Variants in PCNX2 observed in about 807,000 individuals in gnomAD.
PCNX2 encodes pecanex 2.
In PCNX2, 168 loss-of-function variants were observed where a neutral mutation model predicts 223.8. That is an observed-to-expected ratio of 0.75 (90% confidence interval 0.66 to 0.85). The LOEUF (loss-of-function observed/expected upper bound fraction) is 0.85, where lower values mean the gene tolerates loss of function less well. Among genes scored for constraint, PCNX2 ranks in the 40% least tolerant of loss-of-function variants. PCNX2 has a pLI of 0.00. For missense variants in PCNX2, 2,507 were observed against 2,675.5 expected, an observed-to-expected ratio of 0.94 and a Z score of 1.39; for synonymous variants, 1,006 against 1,052.6, an observed-to-expected ratio of 0.96 and a Z score of 0.86.
chr1:233,021,322 T>C (rs1363067226), intron 26 of PCNX2, among the ~76,000 whole-genome samples: 5 of 152,192 alleles, frequency 3.3e-5, no homozygotes, highest in Non-Finnish European at 7.4e-5. Flanking sequence ...AACATTCTTG[T>C]TTCTGTGGGG....
chr1:233,048,871 T>C (rs1401555564), intron 25 of PCNX2, among the ~76,000 whole-genome samples: 1 of 152,202 alleles, frequency 6.6e-6, no homozygotes, highest in Non-Finnish European at 1.5e-5. Flanking sequence ...CAGAGACTAT[T>C]ATGAATATCT....
At chr1:233,081,488 T>C (rs1302417296) in intron 23 of PCNX2, among the ~76,000 whole-genome samples, 2 of 152,216 alleles carry the variant, frequency 1.3e-5, no homozygotes, top group East Asian at 1.9e-4. Context: ...CCTGTTCTTA[T>C]GCATCCCTGC....
chr1:233,284,524 T>C (rs1661346928), intron 1 of PCNX2, among the ~76,000 whole-genome samples: 1 of 152,152 alleles, frequency 6.6e-6, no homozygotes. Context: ...CCATCTCCCA[T>C]CTTTACTGTA....
At chr1:233,141,633 G>A (rs1003377564) in intron 19 of PCNX2, among the ~76,000 whole-genome samples, 5 of 152,064 alleles carry the variant, frequency 3.3e-5, no homozygotes, top group Admixed American at 6.6e-5. Context: ...AGATTGTGCC[G>A]CTGCACTCCA....
chr1:233,146,692 G>A (rs1274873829), intron 19 of PCNX2, among the ~76,000 whole-genome samples: 1 of 152,164 alleles, frequency 6.6e-6, no homozygotes, highest in Non-Finnish European at 1.5e-5. Context: ...AGAAATATAA[G>A]CCAATCTCTT....
chr1:233,229,198 C>A (rs80053222), intron 9 of PCNX2, among the ~76,000 whole-genome samples: 13 of 152,310 alleles, frequency 8.5e-5, no homozygotes, highest in African/African-American at 3.1e-4. Context: ...TTTCCAGATG[C>A]TAATCTGCTT....
intron 12 of PCNX2, among the ~76,000 whole-genome samples, chr1:233,213,932 G>A (rs1410018799): frequency 6.9e-6 from 1 of 144,758 alleles, no homozygotes; most frequent in African/African-American, 2.6e-5. Flanking sequence ...GGGTTCAAGC[G>A]ATTCTCCTGC....
chr1:233,088,976 G>A (rs1003259601), intron 23 of PCNX2, among the ~76,000 whole-genome samples: 7 of 152,198 alleles, frequency 4.6e-5, no homozygotes, highest in Admixed American at 2.0e-4. Context: ...AAGGAGGCCT[G>A]AAATTATCAG....
intron 21 of PCNX2, among the ~76,000 whole-genome samples, chr1:233,123,690 A>G (rs1263169052): frequency 6.6e-6 from 1 of 152,228 alleles, no homozygotes; most frequent in Non-Finnish European, 1.5e-5. Context: ...GCAAGTCTCT[A>G]AAGACATTGT....
chr1:233,306,451 A>G, the PCNX2 span, among the ~76,000 whole-genome samples: 1,613 of 152,348 alleles, frequency 0.011, 28 homozygotes, highest in African/African-American at 0.036. Flanking sequence ...TTTGGTTTGG[A>G]TGTCAACACT....
the PCNX2 span, among the ~76,000 whole-genome samples, chr1:233,301,046 G>A: frequency 1.3e-5 from 2 of 152,158 alleles, no homozygotes; most frequent in Non-Finnish European, 2.9e-5. Flanking sequence ...CTAGAGAAGT[G>A]AAAGAGAGAT....
chr1:233,095,250 C>T (rs1674094874), intron 22 of PCNX2, among the ~76,000 whole-genome samples: 1 of 152,140 alleles, frequency 6.6e-6, no homozygotes, highest in South Asian at 2.1e-4. Flanking sequence ...TGGCTAATAG[C>T]CACTAAAAGA....
intron 23 of PCNX2, among the ~76,000 whole-genome samples, chr1:233,068,705 C>T (rs1183350869): frequency 6.6e-6 from 1 of 151,792 alleles, no homozygotes; most frequent in Non-Finnish European, 1.5e-5. Flanking sequence ...CTAAAAGATA[C>T]ACTCAAAAAT....
chr1:233,115,267 G>A (rs1675343485), intron 21 of PCNX2, among the ~76,000 whole-genome samples: 1 of 151,902 alleles, frequency 6.6e-6, no homozygotes, highest in Non-Finnish European at 1.5e-5. Context: ...GATTTAATTG[G>A]AAGATAATAG....
chr1:233,182,767 ACTC>A (rs1679877705), intron 15 of PCNX2, among the ~76,000 whole-genome samples: 1 of 151,332 alleles, frequency 6.6e-6, no homozygotes, highest in African/African-American at 2.4e-5. Flanking sequence ...TACCTGGTGA[ACTC>A]CTACCCATGC....
chr1:233,000,561 G>T lies in PCNX2; in HGVS notation c.5098-26C>A. ...CTGGTGGGAAGAAGTGTGGGTGTGG[G>T]CTGGGCAAGGACCAGAGGAACTCAC... On this transcript the variant is annotated intron_variant, in intron 29 of 33. Coordinates refer to ENST00000258229, the MANE Select transcript of PCNX2 (RefSeq NM_014801.4). This position sits in a 1 kb window ranked among gnomAD's most constrained non-coding sequence, Gnocchi z 4.6. 1 of 1,546,964 alleles carries T rather than the reference G, an allele frequency of 6.5e-7. No individual in the cohort carries two copies. The highest frequency in any genetic ancestry group is 8.7e-7 in the Non-Finnish European group (1 of 1,149,978).
rs534757702 is a variant in PCNX2, at chr1:233,208,582, G to A, written c.2799C>T (p.Tyr933=). ...AGAAGAGCTTCAGGCCATACACAAC[G>A]TAACTGGGAGGGTGCCTGGCTTTGG... ...TGAKARHPPS[Y]VVYGLKLFSP... Residue 933 remains tyrosine, a synonymous_variant, in exon 13 of 34, where the codon TAC becomes TAT. Transcript: ENST00000258229. The A allele has an allele frequency of 9.9e-6, 16 of 1,613,742 alleles. No homozygotes were observed. Among genetic ancestry groups the A allele is most frequent in the African/African-American group, 4.0e-5 (3 of 74,946 alleles).
chr1:233,073,901 T>C (rs920816964), intron 23 of PCNX2, among the ~76,000 whole-genome samples: 3 of 152,220 alleles, frequency 2.0e-5, no homozygotes, highest in African/African-American at 4.8e-5. Flanking sequence ...GTTATAGGCA[T>C]GAACACCACC....
chr1:233,321,013 CTT>C, the PCNX2 span, among the ~76,000 whole-genome samples: 16 of 70,356 alleles, frequency 2.3e-4, no homozygotes, highest in East Asian at 1.4e-3. Flanking sequence ...AAAATGTCTT[CTT>C]TTTTTTTTTT....
Sources: gnomAD v4.1 joint callset for allele counts (sites outside exome capture counted in the v4.1 genomes callset) on GRCh38, gnomAD v4.1.1 for gene constraint, Gnocchi (gnomAD v3.1) non-coding constraint, MANE v1.5 for transcripts, NCBI Gene and HGNC (gene_info 2026-07-23, HGNC 2026-07-21) for gene names.